The following OPN5 variants were observed in gnomAD, a reference collection of about 807,000 sequenced individuals.
The protein encoded by OPN5 is opsin 5.
A neutral mutation model predicts 41.7 loss-of-function variants in OPN5; 18 were observed. That is an observed-to-expected ratio of 0.43 (90% CI 0.30 to 0.64). The LOEUF is 0.64. Ranked by LOEUF, OPN5 falls within the 30% of genes least tolerant of loss-of-function variation. OPN5 has a pLI of 0.13. For synonymous variants in OPN5, 178 were observed against 164.3 expected (o/e 1.08, Z -0.64); for missense variants, 318 against 434.5 (o/e 0.73, Z 2.38).
chr6:47,790,266 A>G (rs911177427), intron 2 of OPN5, among the ~76,000 whole-genome samples: 1 of 152,236 alleles, frequency 6.6e-6, no homozygotes, highest in African/African-American at 2.4e-5. Context: ...AGCATGACTT[A>G]GAAGCTGAAT....
rs772822896 is a variant in OPN5 at position 47,811,749 on chromosome 6, G to A, written c.1056+18G>A. 5 of 1,556,888 alleles carry A rather than the reference G, an allele frequency of 3.2e-6. No individual in the cohort carries two copies. The highest frequency in any genetic ancestry group is 1.4e-5 in the African/African-American group (1 of 74,010). Reference sequence around the variant, plus strand: ...ATGAAGAGGTATGAAGATGGATACAGCATCACTATGGACACTCGTATTCAC... The same window carrying A: ...ATGAAGAGGTATGAAGATGGATACAACATCACTATGGACACTCGTATTCAC... On this transcript the variant is annotated intron_variant, in intron 6 of 6. Coordinates refer to ENST00000371211, the Ensembl canonical transcript of OPN5.
chr6:47,811,877 T>C, intron 6 of OPN5, 146 bp downstream of exon 6: 1 of 487,514 alleles, frequency 2.1e-6, no homozygotes, highest in East Asian at 3.2e-5. Flanking sequence ...CAGGGGTTGC[T>C]GGGAAATTCC....
At chr6:47,796,744 T>A (rs1338550654) in intron 4 of OPN5, among the ~76,000 whole-genome samples, 1 of 152,152 alleles carries the variant, frequency 6.6e-6, no homozygotes, top group African/African-American at 2.4e-5. Context: ...GAGACTTGGT[T>A]CTGGTAATAT....
At chr6:47,799,457 C>T (rs1194153274) in intron 4 of OPN5, among the ~76,000 whole-genome samples, 1 of 152,128 alleles carries the variant, frequency 6.6e-6, no homozygotes, top group East Asian at 1.9e-4. Context: ...GACTCTTGGT[C>T]TGGGTGTTGT....
At chr6:47,824,259 A>C (rs938832416) in exon 7 of OPN5, 3 of 512,230 alleles carry the variant, frequency 5.9e-6, no homozygotes, top group East Asian at 6.0e-5. Flanking sequence ...CCTGCAGTGC[A>C]CACCTCGGTC....
chr6:47,795,983 G>A (rs1351952866), intron 4 of OPN5, among the ~76,000 whole-genome samples: 1 of 152,030 alleles, frequency 6.6e-6, no homozygotes, highest in Non-Finnish European at 1.5e-5. Flanking sequence ...ACATCATTAG[G>A]GACATTCTAC....
intron 6 of OPN5, among the ~76,000 whole-genome samples, chr6:47,817,945 C>T (rs1258692759): frequency 6.6e-6 from 1 of 152,046 alleles, no homozygotes; most frequent in African/African-American, 2.4e-5. Flanking sequence ...GGGACAAAGG[C>T]CCATTCACCT....
Position 47,817,216 on chromosome 6 carries a change from C to T in OPN5, c.1056+5485C>T, listed in dbSNP as rs570159187. Among the ~76,000 whole-genome samples the T allele has an allele frequency of 2.0e-4, 30 of 152,128 alleles. No individual in the cohort carries two copies. In the South Asian group the frequency reaches 4.8e-3, roughly 24 times the overall value. ...GGAGATGAAGAAGGGGGTCAGAGCA[C>T]GTTGCCTATTTAGCTTTCATGAAAG... On this transcript the variant is annotated intron_variant, in intron 6 of 6. Coordinates refer to ENST00000371211, the Ensembl canonical transcript of OPN5.
intron 1 of OPN5, among the ~76,000 whole-genome samples, chr6:47,782,940 A>G (rs976211206): frequency 2.0e-5 from 3 of 152,198 alleles, no homozygotes; most frequent in Non-Finnish European, 4.4e-5. Context: ...GGTATAAAAT[A>G]TCTCATTAAT....
At position 47,814,393 on chromosome 6, in the gene OPN5, T is replaced by C. The variant is rs548981353; in HGVS notation, c.1056+2662T>C. 3.9e-5 allele frequency among the ~76,000 whole-genome samples: 6 copies of C among 152,278 alleles called. No individual in the cohort carries two copies. In the South Asian group the frequency reaches 1.2e-3, roughly 32 times the overall value. On this transcript the variant is annotated intron_variant, in intron 6 of 6. Transcript: ENST00000371211. Reference sequence around the variant, plus strand: ...TAGAATATGGTCTTTAACATGGCTTTATAAATGCATGTATAAGAAAAATTA... The same window carrying C: ...TAGAATATGGTCTTTAACATGGCTTCATAAATGCATGTATAAGAAAAATTA...
At chr6:47,784,091 C>T (rs1273823561) in intron 1 of OPN5, among the ~76,000 whole-genome samples, 1 of 152,074 alleles carries the variant, frequency 6.6e-6, no homozygotes, top group East Asian at 1.9e-4. Context: ...GCCAGAAAAA[C>T]AGGTTGAAAA....
chr6:47,821,217 C>T (rs1762612846), intron 6 of OPN5, among the ~76,000 whole-genome samples: 1 of 152,148 alleles, frequency 6.6e-6, no homozygotes, highest in African/African-American at 2.4e-5. Context: ...TAAAAATTCA[C>T]ATATATAAGT....
At chr6:47,795,255 T>C (rs752897869) in exon 4 of OPN5, 2 of 1,606,040 alleles carry the variant, frequency 1.2e-6, no homozygotes, top group Non-Finnish European at 1.7e-6. Flanking sequence ...AAAGCACGCC[T>C]ACATCTGCCT....
intron 4 of OPN5, among the ~76,000 whole-genome samples, chr6:47,801,087 G>A (rs952731955): frequency 6.6e-6 from 1 of 152,060 alleles, no homozygotes; most frequent in African/African-American, 2.4e-5. Flanking sequence ...AGAGCACTTG[G>A]CACTTTATCT....
chr6:47,795,768 T>C lies in OPN5; in HGVS notation c.756+205T>C, dbSNP rs530763062. On this transcript the variant is annotated intron_variant, in intron 4 of 6. Coordinates refer to ENST00000371211, the Ensembl canonical transcript of OPN5. Reference sequence around the variant, plus strand: ...TGTACCCCCACTTCTCTCTTCTCTCTCTCTCTCTCTCACACACACACACAC... The same window carrying C: ...TGTACCCCCACTTCTCTCTTCTCTCCCTCTCTCTCTCACACACACACACAC... 1.7e-4 allele frequency among the ~76,000 whole-genome samples: 18 copies of C among 108,220 alleles called. 1 individual carries two copies. The South Asian group carries it at 6.0e-3, about 36-fold the overall frequency. The allele number at this position is 108,220 out of a possible 152,430, so 71.0% of individuals were successfully genotyped here. A position where few individuals can be genotyped will look rare whatever the true frequency, so the allele number is the denominator to read the frequency against.
rs1349549520 is a variant in OPN5, at chr6:47,805,785, T to C, written c.757-2369T>C. ...ACTAATAAAACATTGTATGTCTCAC[T>C]CCTTATCATTGATTCTCTGGAACTT... On this transcript the variant is annotated intron_variant, in intron 4 of 6. Coordinates refer to ENST00000371211, the Ensembl canonical transcript of OPN5. 1.6e-3 allele frequency among the ~76,000 whole-genome samples: 244 copies of C among 152,340 alleles called. 3 individuals carry two copies. The highest frequency in any genetic ancestry group is 5.9e-5 in the Non-Finnish European group (4 of 68,040).
chr6:47,799,708 T>A (rs1008451203), intron 4 of OPN5, among the ~76,000 whole-genome samples: 1 of 152,160 alleles, frequency 6.6e-6, no homozygotes, highest in Non-Finnish European at 1.5e-5. Flanking sequence ...GTTCTGTTGT[T>A]CTTCCACCCT....
intron 2 of OPN5, 33 bp downstream of exon 2, chr6:47,786,667 T>G: frequency 1.3e-5 from 21 of 1,601,226 alleles, no homozygotes; most frequent in Non-Finnish European, 1.7e-5. Context: ...TCTTTGTGGG[T>G]TTAAACTACT....
At chr6:47,808,057 G>A in intron 4 of OPN5, 97 bp from the exon 5 acceptor site, 1 of 1,128,700 alleles carries the variant, frequency 8.9e-7, no homozygotes. Context: ...TTTCTTGGCT[G>A]TGAGAGGTGA....
Sources: allele counts gnomAD v4.1 joint callset (sites outside exome capture counted in the v4.1 genomes callset), GRCh38; gene constraint gnomAD v4.1.1; transcripts MANE v1.5; gene names NCBI Gene and HGNC (gene_info 2026-07-23, HGNC 2026-07-21).